Variants in DOC2B observed in about 807,000 individuals in gnomAD.
DOC2B encodes double C2-like domain-containing protein beta.
A neutral mutation model predicts 28.9 loss-of-function variants in DOC2B; 21 were observed. That is an observed-to-expected ratio of 0.73 (90% CI 0.52 to 1.05). The LOEUF (loss-of-function observed/expected upper bound fraction) is 1.05. Among genes scored for constraint, DOC2B ranks in the 50% least tolerant of loss-of-function variants. The pLI, the probability that DOC2B is intolerant of heterozygous loss-of-function variation, is 0.00. For synonymous variants in DOC2B, 194 were observed against 178.1 expected (o/e 1.09, Z -0.71); for missense variants, 384 against 421.1 (o/e 0.91, Z 0.77).
chr17:147,633 G>A, intron 8 of DOC2B, 56 bp from the exon 9 acceptor site: 1 of 398,904 alleles, frequency 2.5e-6, no homozygotes, highest in Non-Finnish European at 4.4e-6. Context: ...TCCCAGGCGT[G>A]GGGCCCATGC....
At chr17:179,925 G>A (rs1323713207) in intron 1 of DOC2B, among the ~76,000 whole-genome samples, 1 of 152,274 alleles carries the variant, frequency 6.6e-6, no homozygotes. Context: ...GGGCGATGGG[G>A]GGTCTGTGCC....
rs1488669914 is a variant in DOC2B at position 161,974 on chromosome 17, T to A, written c.638+107A>T. 5 of 803,630 alleles carry A rather than the reference T, an allele frequency of 6.2e-6. No homozygotes were observed. In the African/African-American group the frequency reaches 8.6e-5, roughly 14 times the overall value. 49.8% of individuals were successfully genotyped at this position (803,630 alleles called of 1,614,324 possible). On this transcript the variant is annotated intron_variant, in intron 4 of 8. Coordinates refer to ENST00000613549, the MANE Select transcript of DOC2B (RefSeq NM_003585.5). ...CCAAGCTGGAGTTGCTGGCATGAGG[T>A]TGAACCCACAGGGGACCATCTGACC...
At position 154,107 on chromosome 17, in the gene DOC2B, T is replaced by A. The variant is rs147094124; in HGVS notation, c.923+2113A>T. ...TCCAAGGTCCTCCCACAGTGTAGCATGCACCTGCTACACTCCTTCTTAGGG... is the reference window on the plus strand; with the variant it reads ...TCCAAGGTCCTCCCACAGTGTAGCAAGCACCTGCTACACTCCTTCTTAGGG... On this transcript the variant is annotated intron_variant, in intron 6 of 8. Transcript: ENST00000613549. 2.6e-5 allele frequency among the ~76,000 whole-genome samples: 4 copies of A among 151,134 alleles called. No individual in the cohort carries two copies. In the East Asian group the frequency reaches 7.8e-4, roughly 29 times the overall value.
In DOC2B at chr17:156,356, A is replaced by T; in HGVS notation, c.787T>A (p.Ser263Thr). Residue 263 changes from serine (S) to threonine (T), a missense_variant, in exon 6 of 9, where the codon TCC (serine) becomes ACC (threonine). By Grantham distance (58) the Ser-to-Thr change is moderately conservative. Coordinates refer to ENST00000613549, the MANE Select transcript of DOC2B (RefSeq NM_003585.5). ...QLPVDKTEDK[S>T]LEERGRILIS... ...AGGATGCGGCCCCGCTCCTCCAGGG[A>T]CTTGTCTTCAGTCTTGTCCACCTGT... is the stretch of plus-strand genomic sequence containing the variant. 1 of 1,551,334 alleles carries T rather than the reference A, an allele frequency of 6.4e-7. No individual in the cohort carries two copies. The highest frequency in any genetic ancestry group is 2.4e-5 in the East Asian group (1 of 40,900).
intron 1 of DOC2B, 125 bp downstream of exon 1, chr17:180,982 G>A: frequency 2.5e-6 from 2 of 810,494 alleles, no homozygotes; most frequent in Non-Finnish European, 3.3e-6. Context: ...AGCCCGCGGC[G>A]GGGTTGTGAA....
chr17:143,323 C>A lies in DOC2B; in HGVS notation c.*4118G>T, dbSNP rs2039996948. On this transcript the variant is annotated 3_prime_UTR_variant, in exon 9 of 9. Coordinates refer to ENST00000613549, the MANE Select transcript of DOC2B (RefSeq NM_003585.5). ...CCGTCTTTCCACCCTCCCCTCCTAC[C>A]CTTCCAAATCTTTTTTTTTTTTTTT... is the stretch of plus-strand genomic sequence containing the variant. 7.4e-6 allele frequency: 1 copy of A among 134,998 alleles called. No individual in the cohort carries two copies. The highest frequency in any genetic ancestry group is 2.8e-5 in the African/African-American group (1 of 36,214). 8.4% of individuals were successfully genotyped at this position (134,998 alleles called of 1,614,324 possible).
chr17:180,082 T>C (rs1236821288), intron 1 of DOC2B, among the ~76,000 whole-genome samples: 2 of 152,190 alleles, frequency 1.3e-5, no homozygotes, highest in East Asian at 3.9e-4. Flanking sequence ...GCACCAGCCC[T>C]GGAGAAGGGC....
intron 5 of DOC2B, among the ~76,000 whole-genome samples, chr17:158,968 C>G (rs1034394147): frequency 2.0e-5 from 3 of 148,354 alleles, no homozygotes; most frequent in Non-Finnish European, 4.5e-5. Flanking sequence ...CACTTGAACC[C>G]GGGAGGCGGA....
intron 1 of DOC2B, 132 bp downstream of exon 1, chr17:180,975 C>T: frequency 6.5e-6 from 5 of 774,382 alleles, no homozygotes; most frequent in Non-Finnish European, 8.7e-6. Flanking sequence ...GCCCGCAAGC[C>T]CGCGGCGGGG....
In DOC2B at chr17:156,349, T is replaced by C; in HGVS notation, c.794A>G (p.Glu265Gly). The change falls in exon 6 of 9, where the codon GAG becomes GGG. Residue 265 changes from glutamate to glycine, a missense_variant. Coordinates refer to ENST00000613549, the MANE Select transcript of DOC2B (RefSeq NM_003585.5). ...GGAGATGAGGATGCGGCCCCGCTCCTCCAGGGACTTGTCTTCAGTCTTGTC... is the reference window on the plus strand; with the variant it reads ...GGAGATGAGGATGCGGCCCCGCTCCCCCAGGGACTTGTCTTCAGTCTTGTC... Reference protein sequence around the residue: ...PVDKTEDKSLEERGRILISLK... With the variant: ...PVDKTEDKSLGERGRILISLK... 1 of 1,551,482 alleles carries C rather than the reference T, an allele frequency of 6.4e-7. No homozygotes were observed. The highest frequency in any genetic ancestry group is 8.7e-7 in the Non-Finnish European group (1 of 1,146,934).
chr17:164,220 C>T lies in DOC2B; in HGVS notation c.454-16G>A. ...GCTTCAGGCCCTGGGCAGAGAAGAGCAAACGGTGTGAACTGGAAATCGGGG... is the reference window on the plus strand; with the variant it reads ...GCTTCAGGCCCTGGGCAGAGAAGAGTAAACGGTGTGAACTGGAAATCGGGG... On this transcript the variant is annotated splice_polypyrimidine_tract_variant and intron_variant, in intron 2 of 8. Coordinates refer to ENST00000613549, the MANE Select transcript of DOC2B (RefSeq NM_003585.5). 8.5e-6 allele frequency: 13 copies of T among 1,537,204 alleles called. No homozygotes were observed. Among genetic ancestry groups the T allele is most frequent in the Non-Finnish European group, 1.1e-5 (13 of 1,133,908 alleles).
chr17:157,143 G>A lies in DOC2B; in HGVS notation c.766-766C>T, dbSNP rs1106176. On this transcript the variant is annotated intron_variant, in intron 5 of 8. Transcript: ENST00000613549. ...CTGCAGCCCCCGGCCTGGCGCGCTC[G>A]GCTTCCGCGGACGGTCTTCCACCAG... 3.4e-3 allele frequency among the ~76,000 whole-genome samples: 522 copies of A among 152,300 alleles called. 7 individuals are homozygous for A. The highest frequency in any genetic ancestry group is 0.012 in the African/African-American group (483 of 41,568).
chr17:159,360 G>C (rs577465047), intron 5 of DOC2B, among the ~76,000 whole-genome samples: 1 of 151,762 alleles, frequency 6.6e-6, no homozygotes, highest in East Asian at 1.9e-4. Context: ...GCGTGGTGGC[G>C]CACACCTGTA....
At chr17:169,780 C>G (rs570172154) in intron 2 of DOC2B, among the ~76,000 whole-genome samples, 1 of 152,130 alleles carries the variant, frequency 6.6e-6, no homozygotes, top group East Asian at 1.9e-4. Flanking sequence ...CCACCCTGGG[C>G]CCCTCCCCAC....
chr17:162,875 G>C (rs1555523441), intron 3 of DOC2B, among the ~76,000 whole-genome samples: 1 of 152,160 alleles, frequency 6.6e-6, no homozygotes, highest in East Asian at 1.9e-4. Context: ...CCTTGGGTCT[G>C]CCTCGGGGGT....
chr17:163,110 T>C (rs991282848), intron 3 of DOC2B, among the ~76,000 whole-genome samples: 24 of 152,314 alleles, frequency 1.6e-4, no homozygotes, highest in Middle Eastern at 3.4e-3. Context: ...GTAAGGAGAC[T>C]GCTCTTTATA....
At position 148,807 on chromosome 17, in the gene DOC2B, G is replaced by A. The variant is rs947092743; in HGVS notation, c.1005+304C>T. Reference sequence around the variant, plus strand: ...ACTTCCTGGGGCCCCAGGGTGTCTCGAGTCCCCTTGCCCCACACAGAGTTT... The same window carrying A: ...ACTTCCTGGGGCCCCAGGGTGTCTCAAGTCCCCTTGCCCCACACAGAGTTT... On this transcript the variant is annotated intron_variant, in intron 7 of 8. Transcript: ENST00000613549. 1.3e-4 allele frequency among the ~76,000 whole-genome samples: 20 copies of A among 152,096 alleles called. No homozygotes were observed. In the East Asian group the frequency reaches 3.1e-3, roughly 24 times the overall value.
intron 5 of DOC2B, among the ~76,000 whole-genome samples, chr17:157,658 G>A (rs2040151213): frequency 6.6e-6 from 1 of 152,166 alleles, no homozygotes; most frequent in African/African-American, 2.4e-5. Context: ...CTGCCAGGCT[G>A]GTCTCGAATT....
chr17:174,998 G>C (rs1450491854), intron 1 of DOC2B, among the ~76,000 whole-genome samples: 1 of 152,204 alleles, frequency 6.6e-6, no homozygotes, highest in East Asian at 1.9e-4. Flanking sequence ...CCAGCACTTT[G>C]GGAGGCTGAG....
Sources: allele counts gnomAD v4.1 joint callset (sites outside exome capture counted in the v4.1 genomes callset), GRCh38; gene constraint gnomAD v4.1.1; transcripts MANE v1.5; gene names NCBI Gene and HGNC (gene_info 2026-07-23, HGNC 2026-07-21).